The following ANKS1A variants were observed in gnomAD, a reference collection of about 807,000 sequenced individuals.
ANKS1A encodes ankyrin repeat and SAM domain-containing protein 1A.
In ANKS1A, 55 loss-of-function variants were observed where a neutral mutation model predicts 120.3. The ratio of observed to expected loss-of-function variants is 0.46; its 90% CI spans 0.37 to 0.57. ANKS1A has a LOEUF of 0.57. Ranked by LOEUF, ANKS1A falls within the 20% of genes least tolerant of loss-of-function variation. The probability of loss-of-function intolerance (pLI) is 0.00; values close to 1 mark genes in which losing one functional copy is unlikely to be tolerated. For missense variants in ANKS1A, 1,123 were observed against 1,480.3 expected, an observed-to-expected ratio of 0.76 and a Z score of 3.96; for synonymous variants, 590 against 604.7, an observed-to-expected ratio of 0.98 and a Z score of 0.36.
At chr6:35,051,628 C>G (rs1391351545) in intron 11 of ANKS1A, among the ~76,000 whole-genome samples, 1 of 152,134 alleles carries the variant, frequency 6.6e-6, no homozygotes, top group Non-Finnish European at 1.5e-5. Context: ...CCAGGCCCAG[C>G]GGGTGACAAG....
In ANKS1A at chr6:34,981,743, G is replaced by T; in HGVS notation, c.489G>T (p.Glu163Asp). 1 of 1,614,202 alleles carries T rather than the reference G, an allele frequency of 6.2e-7. No homozygotes were observed. Among genetic ancestry groups the T allele is most frequent in the Non-Finnish European group, 8.5e-7 (1 of 1,180,040 alleles). Residue 163 changes from glutamate to aspartate, a missense_variant, in exon 4 of 24, where the codon GAG becomes GAT. Transcript: ENST00000360359. ...LHCAAQYGHTEVVKVLLEELT... is the reference protein window; with the variant it reads ...LHCAAQYGHTDVVKVLLEELT... ...GTGCAGCGCAGTATGGCCACACAGAGGTGGTGAAGGTGCTCTTAGAGGAGC... is the reference window on the plus strand; with the variant it reads ...GTGCAGCGCAGTATGGCCACACAGATGTGGTGAAGGTGCTCTTAGAGGAGC...
rs889565965 is a variant in ANKS1A at position 35,090,772 on chromosome 6, G to A, written c.*2163G>A. 1.7e-4 allele frequency: 164 copies of A among 985,944 alleles called. No individual in the cohort carries two copies. Among genetic ancestry groups the A allele is most frequent in the African/African-American group, 1.7e-4 (10 of 57,226 alleles). 61.1% of individuals were successfully genotyped at this position (985,944 alleles called of 1,614,324 possible). Reference sequence around the variant, plus strand: ...GGTCACACCAGGGGCAGACCCTGTCGCTGCGTTTCTGAACTGTGAAGGAGC... The same window carrying A: ...GGTCACACCAGGGGCAGACCCTGTCACTGCGTTTCTGAACTGTGAAGGAGC... On this transcript the variant is annotated 3_prime_UTR_variant, in exon 24 of 24. Coordinates refer to ENST00000360359, the MANE Select transcript of ANKS1A (RefSeq NM_015245.3).
At position 35,017,879 on chromosome 6, in the gene ANKS1A, T is replaced by C. The variant is rs1357523236; in HGVS notation, c.1830T>C (p.Thr610=). ...RSGARSRAPP[T]SKPKAELKLS... is the part of the protein sequence containing the mutation. ...GGGCCAGGAGCCGAGCGCCTCCCACTAGCAAACCCAAAGCTGAACTCAAAC... is the reference window on the plus strand; with the variant it reads ...GGGCCAGGAGCCGAGCGCCTCCCACCAGCAAACCCAAAGCTGAACTCAAAC... Residue 610 remains threonine (T), a synonymous_variant, in exon 11 of 24, where the codon ACT becomes ACC. Coordinates refer to ENST00000360359, the MANE Select transcript of ANKS1A (RefSeq NM_015245.3). 6.2e-7 allele frequency: 1 copy of C among 1,614,010 alleles called. No individual in the cohort carries two copies. The highest frequency in any genetic ancestry group is 8.5e-7 in the Non-Finnish European group (1 of 1,180,016).
intron 10 of ANKS1A, among the ~76,000 whole-genome samples, chr6:34,997,082 G>A (rs1322685906): frequency 6.6e-6 from 1 of 152,038 alleles, no homozygotes; most frequent in African/African-American, 2.4e-5. Context: ...AGTGTGCACA[G>A]CTTGTTGATT....
intron 11 of ANKS1A, among the ~76,000 whole-genome samples, chr6:35,020,057 A>G (rs924069256): frequency 6.6e-6 from 1 of 152,136 alleles, no homozygotes; most frequent in African/African-American, 2.4e-5. Context: ...TGGTTTTTCT[A>G]GGGTGCTGAC....
intron 12 of ANKS1A, among the ~76,000 whole-genome samples, chr6:35,059,497 G>C (rs374489296): frequency 6.6e-6 from 1 of 152,224 alleles, no homozygotes; most frequent in Non-Finnish European, 1.5e-5. Context: ...TCCCCCTGCC[G>C]TGTTCTGTGC....
At position 35,084,285 on chromosome 6, in the gene ANKS1A, G is replaced by A; in HGVS notation, c.3132+27G>A. 6.2e-7 allele frequency: 1 copy of A among 1,611,500 alleles called. No homozygotes were observed. Among genetic ancestry groups the A allele is most frequent in the African/African-American group, 1.3e-5 (1 of 75,020 alleles). ...TGGGTGGGGTCCTGGGGCCGGGTGG[G>A]GCAGGCTTGGGTTGCAGCCCTGAGG... On this transcript the variant is annotated intron_variant, in intron 21 of 23. Transcript: ENST00000360359. This position sits in a 1 kb window ranked among gnomAD's most constrained non-coding sequence, Gnocchi z 4.8.
At chr6:34,905,587 A>G (rs1767612954) in intron 1 of ANKS1A, among the ~76,000 whole-genome samples, 1 of 152,124 alleles carries the variant, frequency 6.6e-6, no homozygotes, top group African/African-American at 2.4e-5. Context: ...TGTTATTTCC[A>G]TTTTACAGAT....
At chr6:34,922,890 C>T (rs1243162701) in intron 1 of ANKS1A, among the ~76,000 whole-genome samples, 3 of 152,044 alleles carry the variant, frequency 2.0e-5, no homozygotes, top group African/African-American at 7.2e-5. Context: ...GACGGGGTTT[C>T]ACCTGTTGGC....
intron 10 of ANKS1A, among the ~76,000 whole-genome samples, chr6:34,994,975 C>T (rs1209628352): frequency 1.3e-5 from 2 of 152,142 alleles, no homozygotes; most frequent in African/African-American, 2.4e-5. Context: ...AGATCCAGCC[C>T]GTCGATATAA....
Position 35,050,198 on chromosome 6 carries a change from A to G in ANKS1A, c.2011-3901A>G, listed in dbSNP as rs148070187. 2.8e-3 allele frequency among the ~76,000 whole-genome samples: 421 copies of G among 152,318 alleles called. 1 individual carries two copies. The highest frequency in any genetic ancestry group is 9.4e-3 in the African/African-American group (389 of 41,572). On this transcript the variant is annotated intron_variant, in intron 11 of 23. Transcript: ENST00000360359. This position sits in a 1 kb window ranked among gnomAD's most constrained non-coding sequence, Gnocchi z 4.3. ...TACATTTTACACAGCCCTGGCAGGG[A>G]AAAATAGTCTAAACAGAGTCGTCCT...
intron 11 of ANKS1A, chr6:35,039,815 CAA>C (rs1775366926): frequency 3.3e-6 from 1 of 305,338 alleles, no homozygotes; most frequent in South Asian, 2.8e-5. Flanking sequence ...GCTTCTGTAA[CAA>C]AATACCATAG....
intron 13 of ANKS1A, among the ~76,000 whole-genome samples, chr6:35,074,358 G>C (rs1323921663): frequency 6.6e-6 from 1 of 152,128 alleles, no homozygotes; most frequent in Non-Finnish European, 1.5e-5. Context: ...CAGCACTTTT[G>C]GGAGGTCGAG....
chr6:34,989,783 G>A (rs1025537654), intron 9 of ANKS1A, among the ~76,000 whole-genome samples: 2 of 152,182 alleles, frequency 1.3e-5, no homozygotes, highest in African/African-American at 4.8e-5. Context: ...GAGCCATGAA[G>A]ACTCAATTAG....
chr6:35,025,045 T>C (rs1774544947), intron 11 of ANKS1A, among the ~76,000 whole-genome samples: 3 of 152,188 alleles, frequency 2.0e-5, no homozygotes, highest in African/African-American at 4.8e-5. Context: ...TCTATTTAAG[T>C]TGTTTCCAAG....
At position 34,961,381 on chromosome 6, in the gene ANKS1A, G is replaced by T. The variant is rs368745023; in HGVS notation, c.198-5858G>T. ...AAGGAGATTAGAGTTCTCCAGTTTCGTTTAGATTTTGTTTAATGTGTTCCC... is the reference window on the plus strand; with the variant it reads ...AAGGAGATTAGAGTTCTCCAGTTTCTTTTAGATTTTGTTTAATGTGTTCCC... On this transcript the variant is annotated intron_variant, in intron 1 of 23. Coordinates refer to ENST00000360359, the MANE Select transcript of ANKS1A (RefSeq NM_015245.3). Among the ~76,000 whole-genome samples, 3 of 152,180 alleles carry T rather than the reference G, an allele frequency of 2.0e-5. No homozygotes were observed. In the South Asian group the frequency reaches 6.2e-4, roughly 32 times the overall value.
At position 35,057,696 on chromosome 6, in the gene ANKS1A, T is replaced by C. The variant is rs553339941; in HGVS notation, c.2078-2451T>C. 1.6e-3 allele frequency among the ~76,000 whole-genome samples: 242 copies of C among 152,358 alleles called. 1 individual carries two copies. Among genetic ancestry groups the C allele is most frequent in the African/African-American group, 5.5e-3 (230 of 41,576 alleles). On this transcript the variant is annotated intron_variant, in intron 12 of 23. Coordinates refer to ENST00000360359, the MANE Select transcript of ANKS1A (RefSeq NM_015245.3). This position sits in a 1 kb window ranked among gnomAD's most constrained non-coding sequence, Gnocchi z 4.1. ...CTGGGGTGGGGCACTTCCCCTGGGC[T>C]CTAACAGGCCCCAAGAGAAGTCCGT...
chr6:35,081,113 C>A lies in ANKS1A; in HGVS notation c.2664C>A (p.Leu888=). 6.2e-7 allele frequency: 1 copy of A among 1,613,526 alleles called. No individual in the cohort carries two copies. The highest frequency in any genetic ancestry group is 8.5e-7 in the Non-Finnish European group (1 of 1,179,934). Residue 888 remains leucine, a synonymous_variant, in exon 17 of 24, where the codon CTC becomes CTA. Coordinates refer to ENST00000360359, the MANE Select transcript of ANKS1A (RefSeq NM_015245.3). The stretch of plus-strand genomic sequence containing the variant: ...CAGGCAGGAGGCGCCATGACAGTCT[C>A]CATGACCCTGCGGCACCCTCCCGAG... The part of the protein sequence containing the change: ...GDTGRRRHDS[L]HDPAAPSRAE...
intron 1 of ANKS1A, among the ~76,000 whole-genome samples, chr6:34,890,393 C>T (rs985446914): frequency 1.3e-5 from 2 of 152,150 alleles, no homozygotes; most frequent in Admixed American, 6.5e-5. Context: ...CCTGGCCCCT[C>T]GCTTTTGTTT....
Sources: gnomAD v4.1 joint callset for allele counts (sites outside exome capture counted in the v4.1 genomes callset) on GRCh38, gnomAD v4.1.1 for gene constraint, Gnocchi (gnomAD v3.1) non-coding constraint, MANE v1.5 for transcripts, NCBI Gene and HGNC (gene_info 2026-07-23, HGNC 2026-07-21) for gene names.